Variants in ASAP1 observed in about 807,000 individuals in gnomAD.
ASAP1 encodes the protein ArfGAP with SH3 domain, ankyrin repeat and PH domain 1, also known as arf-GAP with SH3 domain, ANK repeat and PH domain-containing protein 1.
A neutral mutation model predicts 145.2 loss-of-function variants in ASAP1; 43 were observed. The observed-to-expected ratio is 0.30, with a 90% CI of 0.23 to 0.38. ASAP1 has a LOEUF of 0.38. ASAP1 is among the 10% of genes least tolerant of loss of function. The pLI, the probability that ASAP1 is intolerant of heterozygous loss-of-function variation, is 1.00. For synonymous variants in ASAP1, 546 were observed against 515.5 expected (o/e 1.06, Z -0.80); for missense variants, 1,018 against 1,355.3 (o/e 0.75, Z 3.91).
intron 3 of ASAP1, among the ~76,000 whole-genome samples, chr8:130,321,793 C>T (rs560178275): frequency 1.3e-5 from 2 of 152,198 alleles, no homozygotes; most frequent in East Asian, 3.8e-4. Flanking sequence ...TCAGTTATCT[C>T]ATCCCACCAT....
At chr8:130,216,941 A>G (rs1169428648) in intron 4 of ASAP1, among the ~76,000 whole-genome samples, 1 of 152,236 alleles carries the variant, frequency 6.6e-6, no homozygotes, top group East Asian at 1.9e-4. Flanking sequence ...GTACCAACAC[A>G]GCATCCAATG....
chr8:130,104,369 T>G (rs2097533666), intron 24 of ASAP1, among the ~76,000 whole-genome samples: 1 of 152,258 alleles, frequency 6.6e-6, no homozygotes, highest in South Asian at 2.1e-4. Context: ...CAAGCAAGCA[T>G]TAGGTCATGG....
Position 130,116,900 on chromosome 8 carries a change from C to G in ASAP1, c.1976G>C (p.Ser659Thr). ...CTTACCTATATCCACAGTGGGCTTG[C>G]TCCTGAGCAAAAGCTTCAAACACTC... ...KPECLKLLLRSKPTVDIVNQA... is the reference protein window; with the variant it reads ...KPECLKLLLRTKPTVDIVNQA... Residue 659 changes from serine (S) to threonine (T), a missense_variant, in exon 21 of 30, where the codon AGC (serine) becomes ACC (threonine). Transcript: ENST00000518721. 1 of 1,613,940 alleles carries G rather than the reference C, an allele frequency of 6.2e-7. No individual in the cohort carries two copies. The highest frequency in any genetic ancestry group is 8.5e-7 in the Non-Finnish European group (1 of 1,179,846).
rs1405124626 is a variant in ASAP1, at chr8:130,330,665, G to A, written c.186+27352C>T. Among the ~76,000 whole-genome samples the A allele has an allele frequency of 4.6e-5, 7 of 152,322 alleles. No homozygotes were observed. The Middle Eastern group carries it at 0.01, about 222-fold the overall frequency. ...ATTGCCAAAGGCAATTTGTCTTACG[G>A]GTAAGCTTTACGATGGATCATTGTT... On this transcript the variant is annotated intron_variant, in intron 3 of 29. Transcript: ENST00000518721.
chr8:130,200,016 A>T (rs1815764560), intron 5 of ASAP1, among the ~76,000 whole-genome samples: 1 of 152,368 alleles, frequency 6.6e-6, no homozygotes, highest in South Asian at 2.1e-4. Context: ...CAAAGTGAGC[A>T]TCTTAATTTG....
chr8:130,271,680 G>A (rs998520648), intron 3 of ASAP1, among the ~76,000 whole-genome samples: 9 of 152,116 alleles, frequency 5.9e-5, no homozygotes, highest in African/African-American at 1.7e-4. Flanking sequence ...AACTATAAAC[G>A]ATGGGCTGAT....
At position 130,214,703 on chromosome 8, in the gene ASAP1, TA is replaced by T. The variant is rs1816787940; in HGVS notation, c.260-3del. On this transcript the variant is annotated splice_polypyrimidine_tract_variant and splice_region_variant and intron_variant, in intron 4 of 29. Coordinates refer to ENST00000518721, the MANE Select transcript of ASAP1 (RefSeq NM_018482.4). ...AGTTTTCTTCATTTTGTACATGATC[TA>T]AAAACAAAAAAGAAGAAGAAAGGAG... 6.3e-7 allele frequency: 1 copy of T among 1,576,326 alleles called. No individual in the cohort carries two copies. Among genetic ancestry groups the T allele is most frequent in the Non-Finnish European group, 8.6e-7 (1 of 1,165,916 alleles).
intron 20 of ASAP1, among the ~76,000 whole-genome samples, chr8:130,117,233 G>C (rs1231794739): frequency 6.6e-6 from 1 of 152,168 alleles, no homozygotes; most frequent in Non-Finnish European, 1.5e-5. Flanking sequence ...ACATGTATTA[G>C]TTCATTGAAT....
intron 3 of ASAP1, among the ~76,000 whole-genome samples, chr8:130,299,782 G>A (rs115925038): frequency 2.6e-4 from 39 of 152,168 alleles, no homozygotes; most frequent in African/African-American, 8.9e-4. Context: ...CAATTCAGAG[G>A]AGAAAAATAA....
chr8:130,319,545 G>A (rs1160025164), intron 3 of ASAP1, among the ~76,000 whole-genome samples: 1 of 152,146 alleles, frequency 6.6e-6, no homozygotes, highest in Admixed American at 6.5e-5. Flanking sequence ...TGAATGGGGA[G>A]TCAGAGCCTA....
intron 1 of ASAP1, among the ~76,000 whole-genome samples, chr8:130,404,415 G>T (rs2138593767): frequency 6.6e-6 from 1 of 152,304 alleles, no homozygotes; most frequent in South Asian, 2.1e-4. Flanking sequence ...AAGAAATCAG[G>T]ACAGTGTGGT....
At chr8:130,074,464 C>T (rs2097457414) in intron 27 of ASAP1, among the ~76,000 whole-genome samples, 1 of 145,994 alleles carries the variant, frequency 6.8e-6, no homozygotes, top group Admixed American at 7.4e-5. Flanking sequence ...CACACACACA[C>T]ACACACACAC....
intron 8 of ASAP1, among the ~76,000 whole-genome samples, chr8:130,180,022 G>A (rs1208150111): frequency 7.1e-6 from 1 of 140,142 alleles, no homozygotes; most frequent in African/African-American, 2.6e-5. Flanking sequence ...GAGAGAGAAA[G>A]AAAGGAGAGG....
At chr8:130,126,225 T>C (rs1330556864) in intron 16 of ASAP1, 136 bp from the exon 17 acceptor site, 3 of 862,834 alleles carry the variant, frequency 3.5e-6, no homozygotes, top group Non-Finnish European at 3.4e-6. Flanking sequence ...AAATGGACTC[T>C]TGAGGTTTAG....
chr8:130,375,918 C>T (rs1038902995), intron 2 of ASAP1, among the ~76,000 whole-genome samples: 2 of 152,304 alleles, frequency 1.3e-5, no homozygotes, highest in Admixed American at 1.3e-4. Context: ...GGAAAACATA[C>T]ATTTCCATGT....
intron 5 of ASAP1, among the ~76,000 whole-genome samples, chr8:130,206,408 T>A (rs1055886903): frequency 6.6e-6 from 1 of 151,692 alleles, no homozygotes; most frequent in Non-Finnish European, 1.5e-5. Context: ...ATCCAACCTG[T>A]ACATTATCAG....
chr8:130,297,284 C>A (rs549747481), intron 3 of ASAP1, among the ~76,000 whole-genome samples: 1 of 152,288 alleles, frequency 6.6e-6, no homozygotes, highest in South Asian at 2.1e-4. Context: ...ACTCAAGTCC[C>A]GTAGTCGGCC....
At chr8:130,403,845 T>G (rs1348566184) in intron 1 of ASAP1, among the ~76,000 whole-genome samples, 2 of 152,162 alleles carry the variant, frequency 1.3e-5, no homozygotes, top group African/African-American at 4.8e-5. Context: ...TGAGCCTCTG[T>G]GCCCGGCCCA....
intron 25 of ASAP1, among the ~76,000 whole-genome samples, chr8:130,081,966 TAA>T (rs1401025994): frequency 2.0e-5 from 3 of 152,118 alleles, no homozygotes; most frequent in Admixed American, 2.0e-4. Context: ...CACAGAGAAG[TAA>T]AGTCAATTGC....
Sources: gnomAD v4.1 joint callset for allele counts (sites outside exome capture counted in the v4.1 genomes callset) on GRCh38, gnomAD v4.1.1 for gene constraint, MANE v1.5 for transcripts, NCBI Gene and HGNC (gene_info 2026-07-23, HGNC 2026-07-21) for gene names.